ECT2L: variants seen among roughly 807,000 people sequenced by gnomAD.
ECT2L encodes epithelial cell-transforming sequence 2 oncogene-like.
Under a neutral mutation model 122.8 loss-of-function variants are expected in ECT2L, and 126 were observed. That is an observed-to-expected ratio of 1.03 (90% confidence interval 0.89 to 1.19). ECT2L has a LOEUF of 1.19. Ranked by LOEUF, ECT2L falls within the 50% of genes most tolerant of loss-of-function variation. The probability of loss-of-function intolerance (pLI) is 0.00; values close to 1 mark genes in which losing one functional copy is unlikely to be tolerated. For synonymous variants in ECT2L, 385 were observed against 381.8 expected, an observed-to-expected ratio of 1.01 and a Z score of -0.10; for missense variants, 1,012 against 1,064.1, an observed-to-expected ratio of 0.95 and a Z score of 0.68.
intron 16 of ECT2L, among the ~76,000 whole-genome samples, chr6:138,883,516 T>G (rs1227087469): frequency 3.9e-5 from 6 of 152,172 alleles, no homozygotes; most frequent in South Asian, 2.1e-4. Flanking sequence ...GGCAGCACAC[T>G]TCTGCCAGAG....
intron 4 of ECT2L, among the ~76,000 whole-genome samples, chr6:138,833,794 T>G (rs1325410467): frequency 6.7e-6 from 1 of 148,412 alleles, no homozygotes; most frequent in Non-Finnish European, 1.5e-5. Context: ...AGAGCAAGAC[T>G]CCAGCTCAAA....
intron 10 of ECT2L, among the ~76,000 whole-genome samples, chr6:138,855,970 AC>A (rs1353249048): frequency 6.6e-6 from 1 of 152,194 alleles, no homozygotes; most frequent in Non-Finnish European, 1.5e-5. Flanking sequence ...ACTTAATGAC[AC>A]TCAAAAAATA....
In ECT2L at chr6:138,834,931, A is replaced by T. The variant is rs199703783; in HGVS notation, c.180-3421A>T. 1.2e-3 allele frequency among the ~76,000 whole-genome samples: 113 copies of T among 90,942 alleles called. No individual in the cohort carries two copies. In the Middle Eastern group the frequency reaches 0.022, roughly 18 times the overall value. The allele number at this position is 90,942 out of a possible 152,430, so 59.7% of individuals were successfully genotyped here. A position where few individuals can be genotyped will look rare whatever the true frequency, so the allele number is the denominator to read the frequency against. Reference sequence around the variant, plus strand: ...CACACACACACACACACACACACACACACACTCTCATTCTCTCTCTCTGTC... The same window carrying T: ...CACACACACACACACACACACACACTCACACTCTCATTCTCTCTCTCTGTC... On this transcript the variant is annotated intron_variant, in intron 4 of 21. Transcript: ENST00000541398.
intron 13 of ECT2L, among the ~76,000 whole-genome samples, chr6:138,868,442 C>G (rs1224445227): frequency 1.3e-5 from 2 of 151,060 alleles, no homozygotes; most frequent in African/African-American, 4.9e-5. Flanking sequence ...TACATTGTGC[C>G]CTGTTTTCTG....
rs1777983035 is a variant in ECT2L at position 138,865,117 on chromosome 6, A to G, written c.1413A>G (p.Val471=). ...TDFLEETLKT[V]RKQLYPFFKE... ...TCCTAGAAGAAACCTTGAAAACAGT[A>G]AGGAAGCAGCTGTATCCTTTCTTCA... The change falls in exon 12 of 22, where the codon GTA becomes GTG. Residue 471 remains valine (V), a synonymous_variant. Transcript: ENST00000541398. The G allele has an allele frequency of 6.2e-7, 1 of 1,614,080 alleles. No homozygotes were observed. The highest frequency in any genetic ancestry group is 1.3e-5 in the African/African-American group (1 of 75,058).
chr6:138,799,562 T>C (rs908426341), intron 1 of ECT2L, among the ~76,000 whole-genome samples: 7 of 150,558 alleles, frequency 4.6e-5, no homozygotes, highest in Admixed American at 3.3e-4. Flanking sequence ...GCCTCTTTTC[T>C]TTTTTTTTGA....
At chr6:138,876,401 C>T (rs1437891553) in intron 13 of ECT2L, 71 bp from the exon 14 acceptor site, 84 of 1,045,224 alleles carry the variant, frequency 8.0e-5, no homozygotes, top group South Asian at 6.7e-4. Flanking sequence ...GGGCCTCCTG[C>T]GGGCACAGTA....
intron 13 of ECT2L, 87 bp downstream of exon 13, chr6:138,868,293 T>C (rs1326648158): frequency 8.5e-7 from 1 of 1,182,532 alleles, no homozygotes; most frequent in African/African-American, 1.5e-5. Context: ...TTTTGACCAG[T>C]TTATCCCTTT....
chr6:138,902,426 T>C lies in ECT2L; in HGVS notation c.2588-74T>C, dbSNP rs1779432978. 5 of 1,395,978 alleles carry C rather than the reference T, an allele frequency of 3.6e-6. No individual in the cohort carries two copies. In the South Asian group the frequency reaches 5.1e-5, roughly 14 times the overall value. 86.5% of individuals were successfully genotyped at this position (1,395,978 alleles called of 1,614,324 possible). On this transcript the variant is annotated intron_variant, in intron 21 of 21. Transcript: ENST00000541398. The stretch of plus-strand genomic sequence containing the variant: ...AAAAATTCTTAAAGATGATGATTTT[T>C]GAGTATTAACATTTTTTCTCATTTT...
chr6:138,842,082 C>T (rs968252658), intron 5 of ECT2L, among the ~76,000 whole-genome samples: 2 of 152,170 alleles, frequency 1.3e-5, no homozygotes, highest in Non-Finnish European at 2.9e-5. Flanking sequence ...ATATATTCAT[C>T]AAATAATATT....
chr6:138,881,999 C>A (rs1778661376), intron 15 of ECT2L, among the ~76,000 whole-genome samples: 1 of 152,098 alleles, frequency 6.6e-6, no homozygotes, highest in South Asian at 2.1e-4. Flanking sequence ...CCTTCCTAAT[C>A]AGCAATGTTC....
intron 8 of ECT2L, among the ~76,000 whole-genome samples, chr6:138,848,639 A>T (rs1401993588): frequency 6.6e-6 from 1 of 152,176 alleles, no homozygotes; most frequent in East Asian, 1.9e-4. Flanking sequence ...CGGTGAGCTC[A>T]GTGGATCCAC....
chr6:138,816,641 C>G (rs11155009), intron 4 of ECT2L, among the ~76,000 whole-genome samples: 1 of 151,942 alleles, frequency 6.6e-6, no homozygotes, highest in Admixed American at 6.6e-5. Context: ...CCCACCACCA[C>G]GCCCAGCTAC....
intron 1 of ECT2L, among the ~76,000 whole-genome samples, chr6:138,801,278 A>G (rs1775534659): frequency 6.6e-6 from 1 of 152,174 alleles, no homozygotes; most frequent in Non-Finnish European, 1.5e-5. Context: ...AATGGCTCCC[A>G]ATGACCTCAG....
chr6:138,872,597 C>A (rs528839729), intron 13 of ECT2L, among the ~76,000 whole-genome samples: 19 of 152,184 alleles, frequency 1.2e-4, no homozygotes, highest in Non-Finnish European at 2.2e-4. Context: ...AAAGGGTGGA[C>A]ATAGTCTCCA....
At chr6:138,853,338 T>C (rs144635324) in intron 9 of ECT2L, among the ~76,000 whole-genome samples, 111 of 152,278 alleles carry the variant, frequency 7.3e-4, no homozygotes, top group African/African-American at 2.5e-3. Context: ...TCTATATAAT[T>C]GTGTTTTCCC....
chr6:138,829,931 C>T (rs561494000), intron 4 of ECT2L, among the ~76,000 whole-genome samples: 8 of 152,140 alleles, frequency 5.3e-5, no homozygotes, highest in Non-Finnish European at 1.2e-4. Flanking sequence ...ACCATGTTAG[C>T]CAGGCTGGTC....
intron 3 of ECT2L, 34 bp from the exon 4 acceptor site, chr6:138,814,457 C>T (rs1175594950): frequency 2.2e-6 from 3 of 1,372,218 alleles, no homozygotes; most frequent in Admixed American, 3.6e-5. Context: ...ATGAACTGTA[C>T]AGCAAATGTC....
intron 12 of ECT2L, among the ~76,000 whole-genome samples, chr6:138,867,230 C>A (rs559064736): frequency 6.6e-6 from 1 of 152,294 alleles, no homozygotes; most frequent in South Asian, 2.1e-4. Flanking sequence ...CCAATTTATA[C>A]ATTTCATTCA....
Sources: allele counts gnomAD v4.1 joint callset (sites outside exome capture counted in the v4.1 genomes callset), GRCh38; gene constraint gnomAD v4.1.1; transcripts MANE v1.5; gene names NCBI Gene and HGNC (gene_info 2026-07-23, HGNC 2026-07-21).